Variants in ZFYVE27 observed in about 807,000 individuals in gnomAD.
ZFYVE27 encodes the protein protrudin.
Under a neutral mutation model 52.8 loss-of-function variants are expected in ZFYVE27, and 36 were observed. The ratio of observed to expected loss-of-function variants is 0.68; its 90% confidence interval spans 0.52 to 0.90. The LOEUF (loss-of-function observed/expected upper bound fraction) is 0.90, where lower values mean the gene tolerates loss of function less well. Among genes scored for constraint, ZFYVE27 ranks in the 40% least tolerant of loss-of-function variants. The pLI is 0.00. For synonymous variants in ZFYVE27, 223 were observed against 215.6 expected (o/e 1.03, Z -0.30); for missense variants, 450 against 527.2 (o/e 0.85, Z 1.43).
intron 1 of ZFYVE27, 112 bp from the exon 2 acceptor site, chr10:97,738,365 G>C: frequency 1.7e-6 from 2 of 1,185,258 alleles, no homozygotes; most frequent in South Asian, 2.4e-5. Context: ...GGTCTGAATA[G>C]TTCACTTTCC....
At position 97,754,139 on chromosome 10, in the gene ZFYVE27, G is replaced by T. The variant is rs113895432; in HGVS notation, c.1042+957G>T. Among the ~76,000 whole-genome samples the T allele has an allele frequency of 3.1e-3, 473 of 152,222 alleles. 1 individual carries two copies. The highest frequency in any genetic ancestry group is 0.01 in the African/African-American group (425 of 41,544). ...GTTCTGGTGTTGAGTGAGTTCTAGGGTCTGTGCCCTGGAAGAAGACAATGG... is the reference window on the plus strand; with the variant it reads ...GTTCTGGTGTTGAGTGAGTTCTAGGTTCTGTGCCCTGGAAGAAGACAATGG... On this transcript the variant is annotated intron_variant, in intron 10 of 12. Transcript: ENST00000684270.
intron 7 of ZFYVE27, among the ~76,000 whole-genome samples, 169 bp downstream of exon 7, chr10:97,750,639 A>G (rs111786744): frequency 2.6e-5 from 4 of 152,188 alleles, no homozygotes; most frequent in Non-Finnish European, 4.4e-5. Context: ...CAGCTACTCC[A>G]TGCTTCACTG....
chr10:97,756,425 A>G (rs1435320435), intron 10 of ZFYVE27, among the ~76,000 whole-genome samples: 1 of 152,172 alleles, frequency 6.6e-6, no homozygotes, highest in Non-Finnish European at 1.5e-5. Flanking sequence ...GTAGCCGTCA[A>G]TAAAGCTTTG....
intron 2 of ZFYVE27, among the ~76,000 whole-genome samples, chr10:97,739,114 T>G (rs535546524): frequency 7.0e-6 from 1 of 142,246 alleles, no homozygotes; most frequent in South Asian, 2.3e-4. Flanking sequence ...TTTTTTTTTT[T>G]GAGACAGAAT....
At chr10:97,738,376 C>T in intron 1 of ZFYVE27, 101 bp from the exon 2 acceptor site, 1 of 1,324,726 alleles carries the variant, frequency 7.5e-7, no homozygotes, top group Non-Finnish European at 1.1e-6. Context: ...TTCACTTTCC[C>T]TTGCTCACAG....
chr10:97,756,544 G>C (rs142333973), intron 10 of ZFYVE27, among the ~76,000 whole-genome samples: 30 of 152,252 alleles, frequency 2.0e-4, no homozygotes, highest in Middle Eastern at 3.4e-3. Flanking sequence ...CTCATTCTCT[G>C]TCTCTCCTCT....
intron 11 of ZFYVE27, 148 bp downstream of exon 11, chr10:97,757,459 G>A (rs972811660): frequency 1.7e-5 from 23 of 1,327,928 alleles, no homozygotes; most frequent in Middle Eastern, 1.8e-4. Context: ...CCTCCCCTGC[G>A]CCTGTGCCAC....
At chr10:97,748,185 C>T in intron 4 of ZFYVE27, 84 bp from the exon 5 acceptor site, 3 of 1,277,492 alleles carry the variant, frequency 2.3e-6, no homozygotes, top group Non-Finnish European at 3.4e-6. Context: ...TTGACCATCC[C>T]TAGCCAACTG....
intron 10 of ZFYVE27, among the ~76,000 whole-genome samples, chr10:97,754,189 A>C (rs915350998): frequency 6.6e-6 from 1 of 152,124 alleles, no homozygotes; most frequent in Non-Finnish European, 1.5e-5. Flanking sequence ...AATTTGACTC[A>C]GGGCCCCCAG....
chr10:97,742,414 G>A (rs903525922), intron 2 of ZFYVE27, among the ~76,000 whole-genome samples: 1 of 152,142 alleles, frequency 6.6e-6, no homozygotes, highest in African/African-American at 2.4e-5. Context: ...TGGTGGTGGT[G>A]GTGGTGGTGG....
intron 8 of ZFYVE27, among the ~76,000 whole-genome samples, chr10:97,751,735 A>C (rs2136228591): frequency 6.6e-6 from 1 of 152,064 alleles, no homozygotes; most frequent in Admixed American, 6.5e-5. Flanking sequence ...TTTGCTGGAG[A>C]CCGTGGGCTT....
At chr10:97,754,194 C>T (rs986869425) in intron 10 of ZFYVE27, among the ~76,000 whole-genome samples, 1 of 152,062 alleles carries the variant, frequency 6.6e-6, no homozygotes, top group African/African-American at 2.4e-5. Flanking sequence ...GACTCAGGGC[C>T]CCCAGGGTCC....
At position 97,755,804 on chromosome 10, in the gene ZFYVE27, G is replaced by A. The variant is rs2048203657; in HGVS notation, c.1043-1461G>A. On this transcript the variant is annotated intron_variant, in intron 10 of 12. Coordinates refer to ENST00000684270, the MANE Select transcript of ZFYVE27 (RefSeq NM_001385875.1). ...CCTTTGTCCTGGAGGCTCCATGACT[G>A]TTGCCCTGGCAGGCCCCACTGGGCC... Among the ~76,000 whole-genome samples the A allele has an allele frequency of 2.0e-5, 3 of 152,224 alleles. No individual in the cohort carries two copies. The South Asian group carries it at 6.2e-4, about 32-fold the overall frequency.
intron 2 of ZFYVE27, among the ~76,000 whole-genome samples, chr10:97,739,495 T>TA (rs1245752940): frequency 6.6e-6 from 1 of 152,170 alleles, no homozygotes; most frequent in Non-Finnish European, 1.5e-5. Context: ...TATTTTAAAT[T>TA]ACTTATATGG....
At chr10:97,752,635 C>T (rs2047277997) in intron 8 of ZFYVE27, among the ~76,000 whole-genome samples, 1 of 152,144 alleles carries the variant, frequency 6.6e-6, no homozygotes. Flanking sequence ...ATTATTTTCA[C>T]CCAGTTTGAG....
rs187149820 is a variant in ZFYVE27 at position 97,743,202 on chromosome 10, C to G, written c.268+38C>G. 15 of 1,610,478 alleles carry G rather than the reference C, an allele frequency of 9.3e-6. No individual in the cohort carries two copies. The South Asian group carries it at 1.4e-4, about 15-fold the overall frequency. The stretch of plus-strand genomic sequence containing the variant: ...TTCAGGGGCCAGTGGTTTTTGTGAA[C>G]GAATGTGGGGGAAGAACACCTGGAT... On this transcript the variant is annotated intron_variant, in intron 3 of 12. Transcript: ENST00000684270.
chr10:97,751,139 C>A lies in ZFYVE27; in HGVS notation c.805-252C>A, dbSNP rs548464723. ...GCAGGGCTGGGTCTAAGACCCCAGC[C>A]CTGTGGTTCTAGAGCTCGTGCCTTC... On this transcript the variant is annotated intron_variant, in intron 7 of 12. Coordinates refer to ENST00000684270, the MANE Select transcript of ZFYVE27 (RefSeq NM_001385875.1). Among the ~76,000 whole-genome samples the A allele has an allele frequency of 5.3e-5, 8 of 152,186 alleles. No individual in the cohort carries two copies. In the East Asian group the frequency reaches 1.5e-3, roughly 29 times the overall value.
At chr10:97,743,244 T>G in intron 3 of ZFYVE27, 80 bp downstream of exon 3, 3 of 1,473,430 alleles carry the variant, frequency 2.0e-6, no homozygotes, top group Non-Finnish European at 1.9e-6. Flanking sequence ...CCACCCTATG[T>G]GTGGGAGCTG....
chr10:97,759,119 A>G (rs1035482828), intron 12 of ZFYVE27, 117 bp from the exon 13 acceptor site: 71 of 1,057,920 alleles, frequency 6.7e-5, no homozygotes, highest in Middle Eastern at 2.0e-4. Flanking sequence ...CTGGGCAGGG[A>G]GGGTGTGGGC....
Sources: gnomAD v4.1 joint callset for allele counts (sites outside exome capture counted in the v4.1 genomes callset) on GRCh38, gnomAD v4.1.1 for gene constraint, MANE v1.5 for transcripts, NCBI Gene and HGNC (gene_info 2026-07-23, HGNC 2026-07-21) for gene names.